DRC12: variants seen among roughly 807,000 people sequenced by gnomAD.
The protein encoded by DRC12 is dynein regulatory complex protein 12.
the DRC12 span, among the ~76,000 whole-genome samples, chr11:119,194,102 T>C: frequency 8.5e-5 from 13 of 152,288 alleles, no homozygotes; most frequent in Admixed American, 1.3e-4. Flanking sequence ...TCTTTTCGGA[T>C]AGCCTGGCAT....
chr11:119,191,544 C>T, the DRC12 span, among the ~76,000 whole-genome samples: 5 of 151,784 alleles, frequency 3.3e-5, no homozygotes, highest in African/African-American at 9.7e-5. Context: ...CGGTGGCTCA[C>T]GCCTGTAATC....
chr11:119,194,538 A>T, the DRC12 span, among the ~76,000 whole-genome samples: 3,430 of 121,970 alleles, frequency 0.028, 102 homozygotes, highest in Middle Eastern at 0.045. Context: ...AAAAAAAAAA[A>T]AAAAAAATAA....
the DRC12 span, among the ~76,000 whole-genome samples, chr11:119,194,542 A>AAAATAAATAAATAAAT: frequency 4.2e-5 from 2 of 48,148 alleles, no homozygotes; most frequent in African/African-American, 8.7e-5. Context: ...AAAAAAAAAA[A>AAAATAAATAAATAAAT]AAATAAATAA....
the DRC12 span, chr11:119,190,756 C>T: frequency 1.2e-5 from 19 of 1,613,968 alleles, no homozygotes; most frequent in Middle Eastern, 1.6e-4. The surrounding 1 kb of genome is among the most constrained non-coding windows in gnomAD (Gnocchi z 4.2). Context: ...CATGTGGGCC[C>T]GAAGCTGAGC....
the DRC12 span, among the ~76,000 whole-genome samples, chr11:119,191,604 C>T: frequency 1.3e-5 from 2 of 151,560 alleles, no homozygotes; most frequent in South Asian, 2.1e-4. Flanking sequence ...GTCAGGAGTC[C>T]GAAACGAGCC....
the DRC12 span, among the ~76,000 whole-genome samples, chr11:119,191,007 T>C: frequency 1.6e-4 from 24 of 152,240 alleles, no homozygotes; most frequent in African/African-American, 5.8e-4. Context: ...CTGAGGTATA[T>C]AGCAGAGAGT....
the DRC12 span, chr11:119,193,311 G>A: frequency 4.5e-6 from 6 of 1,345,720 alleles, no homozygotes; most frequent in Non-Finnish European, 6.4e-6. Flanking sequence ...AGGAAATGAA[G>A]TTGTGGGTGG....
the DRC12 span, chr11:119,195,474 T>C: frequency 1.3e-6 from 2 of 1,551,384 alleles, no homozygotes; most frequent in Non-Finnish European, 1.7e-6. Context: ...TTTTTCTTTG[T>C]TTTTAGGTGG....
the DRC12 span, chr11:119,194,900 A>G: frequency 1.6e-5 from 24 of 1,543,434 alleles, no homozygotes; most frequent in African/African-American, 3.0e-4. Context: ...TTGCCCACCC[A>G]TGCCAGCTTC....
At chr11:119,195,576 C>A in the DRC12 span, 4 of 1,049,780 alleles carry the variant, frequency 3.8e-6, no homozygotes, top group Non-Finnish European at 5.7e-6. Flanking sequence ...AACCAGGAGA[C>A]TCTCCTGAGT....
At chr11:119,195,045 C>T in the DRC12 span, 1 of 1,441,272 alleles carries the variant, frequency 6.9e-7, no homozygotes, top group East Asian at 2.5e-5. Flanking sequence ...CAGCATTCCT[C>T]ACTCTGCTCA....
chr11:119,190,540 C>T, the DRC12 span: 1 of 1,580,730 alleles, frequency 6.3e-7, no homozygotes, highest in Non-Finnish European at 8.7e-7. This position sits in a 1 kb window ranked among gnomAD's most constrained non-coding sequence, Gnocchi z 4.2. Context: ...TTTCCTTGCC[C>T]AGTAGACATG....
At chr11:119,191,912 G>C in the DRC12 span, among the ~76,000 whole-genome samples, 1 of 151,708 alleles carries the variant, frequency 6.6e-6, no homozygotes, top group Non-Finnish European at 1.5e-5. Flanking sequence ...CAAAGATTAG[G>C]AAAGGAACCC....
the DRC12 span, chr11:119,190,608 TCTC>T: frequency 6.4e-7 from 1 of 1,557,254 alleles, no homozygotes; most frequent in Non-Finnish European, 8.7e-7. The surrounding 1 kb of genome is among the most constrained non-coding windows in gnomAD (Gnocchi z 4.2). Context: ...AGACGCTCCT[TCTC>T]CTTAACCCTG....
chr11:119,192,132 T>C, the DRC12 span, among the ~76,000 whole-genome samples: 2 of 152,034 alleles, frequency 1.3e-5, no homozygotes, highest in African/African-American at 2.4e-5. Context: ...CACGCCACCA[T>C]GCTCAGCTAA....
At chr11:119,193,575 C>A in the DRC12 span, 1 of 1,434,362 alleles carries the variant, frequency 7.0e-7, no homozygotes, top group Non-Finnish European at 9.1e-7. Flanking sequence ...AGGCCCCTGC[C>A]TGGGATCCCA....
chr11:119,194,537 A>AT, the DRC12 span, among the ~76,000 whole-genome samples: 207 of 139,692 alleles, frequency 1.5e-3, no homozygotes, highest in African/African-American at 5.1e-3. Context: ...AAAAAAAAAA[A>AT]AAAAAAAATA....
chr11:119,190,630 GTCA>G, the DRC12 span: 1 of 1,571,182 alleles, frequency 6.4e-7, no homozygotes, highest in South Asian at 1.2e-5. The surrounding 1 kb of genome is among the most constrained non-coding windows in gnomAD (Gnocchi z 4.2). Context: ...TGGGTTGTCA[GTCA>G]TCATACGAGC....
At chr11:119,194,904 C>T in the DRC12 span, 135 of 1,547,636 alleles carry the variant, frequency 8.7e-5, no homozygotes, top group Middle Eastern at 1.7e-4. Flanking sequence ...CCACCCATGC[C>T]AGCTTCTACC....
Sources: gnomAD v4.1 joint callset for allele counts (sites outside exome capture counted in the v4.1 genomes callset) on GRCh38, gnomAD v4.1.1 for gene constraint, Gnocchi (gnomAD v3.1) non-coding constraint, MANE v1.5 for transcripts, NCBI Gene and HGNC (gene_info 2026-07-23, HGNC 2026-07-21) for gene names.